The following LUZP2 variants were observed in gnomAD, a reference collection of about 807,000 sequenced individuals.
LUZP2 encodes leucine zipper protein 2.
A neutral mutation model predicts 51.6 loss-of-function variants in LUZP2; 52 were observed. The ratio of observed to expected loss-of-function variants is 1.01; its 90% CI spans 0.81 to 1.27. The LOEUF (loss-of-function observed/expected upper bound fraction) is 1.27, where lower values mean the gene tolerates loss of function less well. Ranked by LOEUF, LUZP2 falls within the 50% of genes most tolerant of loss-of-function variation. The pLI, the probability that LUZP2 is intolerant of heterozygous loss-of-function variation, is 0.00. For synonymous variants in LUZP2, 154 were observed against 137.3 expected (o/e 1.12, Z -0.85); for missense variants, 436 against 395.4 (o/e 1.10, Z -0.87).
At chr11:24,840,274 AGTCTAAGACAAAT>A (rs1424767645) in intron 5 of LUZP2, among the ~76,000 whole-genome samples, 2 of 151,864 alleles carry the variant, frequency 1.3e-5, no homozygotes, top group African/African-American at 4.8e-5. Flanking sequence ...CATTTATCCC[AGTCTAAGACAAAT>A]GTCAGCAGGT....
At chr11:24,872,594 G>A (rs1185515785) in intron 5 of LUZP2, among the ~76,000 whole-genome samples, 1 of 152,140 alleles carries the variant, frequency 6.6e-6, no homozygotes, top group Non-Finnish European at 1.5e-5. Context: ...ACAAAATGGA[G>A]AGCAATTTAG....
chr11:24,710,599 A>G (rs958408263), intron 1 of LUZP2, among the ~76,000 whole-genome samples: 34 of 152,146 alleles, frequency 2.2e-4, no homozygotes, highest in Admixed American at 2.0e-3. Context: ...GAATTTTTCT[A>G]CTGCTTTCTG....
intron 5 of LUZP2, among the ~76,000 whole-genome samples, chr11:24,780,233 C>T (rs1849050360): frequency 6.6e-6 from 1 of 152,000 alleles, no homozygotes; most frequent in Admixed American, 6.6e-5. Context: ...AATTCTGAAA[C>T]TGAACTGAAA....
chr11:24,948,172 A>AT (rs1241171951), intron 7 of LUZP2, among the ~76,000 whole-genome samples: 1 of 150,204 alleles, frequency 6.7e-6, no homozygotes, highest in Non-Finnish European at 1.5e-5. Context: ...TTTCCTTATT[A>AT]TTTTTTCCTC....
At chr11:24,867,613 T>C (rs1050903016) in intron 5 of LUZP2, among the ~76,000 whole-genome samples, 3 of 152,146 alleles carry the variant, frequency 2.0e-5, no homozygotes, top group Non-Finnish European at 4.4e-5. Context: ...CTTTTGTTAT[T>C]TTCAGACGTC....
At chr11:24,609,432 G>T (rs1854042333) in intron 1 of LUZP2, among the ~76,000 whole-genome samples, 1 of 151,832 alleles carries the variant, frequency 6.6e-6, no homozygotes, top group African/African-American at 2.4e-5. Flanking sequence ...ATAAATTGTG[G>T]CAATTAATAA....
intron 1 of LUZP2, among the ~76,000 whole-genome samples, chr11:24,586,618 A>C (rs1236792845): frequency 6.6e-6 from 1 of 152,076 alleles, no homozygotes; most frequent in Non-Finnish European, 1.5e-5. Flanking sequence ...TCCCATGCTT[A>C]ATAAAATACA....
At chr11:24,537,845 A>G (rs1408281413) in intron 1 of LUZP2, among the ~76,000 whole-genome samples, 1 of 151,828 alleles carries the variant, frequency 6.6e-6, no homozygotes, top group African/African-American at 2.4e-5. Flanking sequence ...CCTTAAACAA[A>G]CGTTTCACCT....
chr11:24,819,050 A>G (rs1347125922), intron 5 of LUZP2, among the ~76,000 whole-genome samples: 1 of 152,138 alleles, frequency 6.6e-6, no homozygotes, highest in Non-Finnish European at 1.5e-5. Context: ...TAAAAGTATA[A>G]TAGATATACA....
intron 7 of LUZP2, among the ~76,000 whole-genome samples, chr11:24,948,039 G>T (rs1854947742): frequency 6.6e-6 from 1 of 151,534 alleles, no homozygotes; most frequent in African/African-American, 2.4e-5. Context: ...CTTTCTTTTG[G>T]TATTCCGTAA....
intron 1 of LUZP2, among the ~76,000 whole-genome samples, chr11:24,699,770 A>G (rs531887239): frequency 6.2e-4 from 92 of 148,468 alleles, no homozygotes; most frequent in Middle Eastern, 3.6e-3. Flanking sequence ...TATATATCTC[A>G]TATATAAATA....
chr11:24,848,651 C>A (rs1851282655), intron 5 of LUZP2, among the ~76,000 whole-genome samples: 1 of 152,158 alleles, frequency 6.6e-6, no homozygotes, highest in African/African-American at 2.4e-5. Context: ...TGGTATCAAG[C>A]CTTACTGCTC....
chr11:24,580,250 T>G (rs558679850), intron 1 of LUZP2, among the ~76,000 whole-genome samples: 2 of 152,262 alleles, frequency 1.3e-5, no homozygotes, highest in African/African-American at 4.8e-5. Context: ...GAACTTTAGA[T>G]TTTATTACAT....
chr11:24,764,490 T>TAAAAAAAAAAAAAAA (rs869045272), intron 5 of LUZP2, among the ~76,000 whole-genome samples: 1 of 94,034 alleles, frequency 1.1e-5, no homozygotes, highest in South Asian at 4.1e-4. Flanking sequence ...ATCTCATCTC[T>TAAAAAAAAAAAAAAA]AAAAAAAAAA....
At chr11:24,599,014 A>C (rs1853536872) in intron 1 of LUZP2, among the ~76,000 whole-genome samples, 1 of 152,106 alleles carries the variant, frequency 6.6e-6, no homozygotes, top group Non-Finnish European at 1.5e-5. Flanking sequence ...CCTTTTTCTA[A>C]GTCAGTAATG....
chr11:24,631,885 T>G (rs1296514872), intron 1 of LUZP2, among the ~76,000 whole-genome samples: 1 of 151,962 alleles, frequency 6.6e-6, no homozygotes, highest in African/African-American at 2.4e-5. Flanking sequence ...CTGTTCAGGT[T>G]TTGGAGAATG....
intron 5 of LUZP2, among the ~76,000 whole-genome samples, chr11:24,838,674 T>A (rs1850932952): frequency 6.6e-6 from 1 of 151,666 alleles, no homozygotes; most frequent in African/African-American, 2.4e-5. Flanking sequence ...TTTCCCCAAG[T>A]TATGAAATTA....
intron 5 of LUZP2, among the ~76,000 whole-genome samples, chr11:24,833,535 C>T (rs1184111657): frequency 6.6e-6 from 1 of 152,132 alleles, no homozygotes; most frequent in Non-Finnish European, 1.5e-5. Flanking sequence ...TTAGCTGTAA[C>T]CCAGAGGTAG....
At chr11:24,815,001 A>T (rs986895222) in intron 5 of LUZP2, among the ~76,000 whole-genome samples, 22 of 145,800 alleles carry the variant, frequency 1.5e-4, no homozygotes, top group African/African-American at 2.6e-4. Flanking sequence ...CAAAAAAAAA[A>T]AAAAATAAAA....
Sources: gnomAD v4.1 joint callset for allele counts (sites outside exome capture counted in the v4.1 genomes callset) on GRCh38, gnomAD v4.1.1 for gene constraint, MANE v1.5 for transcripts, NCBI Gene and HGNC (gene_info 2026-07-23, HGNC 2026-07-21) for gene names.